The following FMO2 variants were observed in gnomAD, a reference collection of about 807,000 sequenced individuals.
FMO2 encodes flavin containing dimethylaniline monoxygenase 2.
In FMO2, 33 loss-of-function variants were observed where a neutral mutation model predicts 41.6. The ratio of observed to expected loss-of-function variants is 0.79; its 90% CI spans 0.60 to 1.06. FMO2 has a LOEUF of 1.06. Among genes scored for constraint, FMO2 ranks in the 50% least tolerant of loss-of-function variants. FMO2 has a pLI of 0.00. For synonymous variants in FMO2, 214 were observed against 219.6 expected, an observed-to-expected ratio of 0.97 and a Z score of 0.23; for missense variants, 619 against 632.9, an observed-to-expected ratio of 0.98 and a Z score of 0.23.
Position 171,210,827 on chromosome 1 carries a change from ATGGAATGT to A in FMO2, c.*1683_*1690del. Reference sequence around the variant, plus strand: ...ACTTCTCCCTCAGGGACGTAGAACAATGGAATGTCAGTCAGTCTCTGTAGTTAAAACTT... The same window carrying A: ...ACTTCTCCCTCAGGGACGTAGAACAACAGTCAGTCTCTGTAGTTAAAACTT... On this transcript the variant is annotated 3_prime_UTR_variant, in exon 9 of 9. Coordinates refer to ENST00000209929, the MANE Select transcript of FMO2 (RefSeq NM_001460.5). The A allele has an allele frequency of 3.6e-5, 2 of 55,302 alleles. No individual in the cohort carries two copies. Among genetic ancestry groups the A allele is most frequent in the Non-Finnish European group, 6.6e-5 (2 of 30,096 alleles). 3.4% of individuals were successfully genotyped at this position (55,302 alleles called of 1,614,324 possible).
chr1:171,210,456 T>G lies in FMO2; in HGVS notation c.*1311T>G, dbSNP rs1028788469. Reference sequence around the variant, plus strand: ...TACTGGTCTGTTAGCAGAGACAAACTTTTTTTAGAATTGAAGTCTGAAACA... The same window carrying G: ...TACTGGTCTGTTAGCAGAGACAAACGTTTTTTAGAATTGAAGTCTGAAACA... On this transcript the variant is annotated 3_prime_UTR_variant, in exon 9 of 9. Transcript: ENST00000209929. 1.3e-5 allele frequency: 2 copies of G among 152,198 alleles called. No individual in the cohort carries two copies. Among genetic ancestry groups the G allele is most frequent in the Admixed American group, 1.3e-4 (2 of 15,274 alleles). 9.4% of individuals were successfully genotyped at this position (152,198 alleles called of 1,614,324 possible).
At chr1:171,207,366 A>C (rs957673535) in intron 7 of FMO2, among the ~76,000 whole-genome samples, 5 of 152,098 alleles carry the variant, frequency 3.3e-5, no homozygotes, top group African/African-American at 9.7e-5. Flanking sequence ...AATAAATCTG[A>C]TCTTCTCACT....
chr1:171,189,373 T>C (rs1207439212), intron 2 of FMO2, among the ~76,000 whole-genome samples: 1 of 151,920 alleles, frequency 6.6e-6, no homozygotes, highest in Non-Finnish European at 1.5e-5. Context: ...CTTTCTCTCT[T>C]AAATTTGGCT....
intron 3 of FMO2, among the ~76,000 whole-genome samples, chr1:171,193,926 C>T: frequency 6.6e-6 from 1 of 152,010 alleles, no homozygotes; most frequent in Non-Finnish European, 1.5e-5. Context: ...ATTACAGGCA[C>T]ACATCACCAT....
At chr1:171,197,672 T>C (rs1409491830) in intron 4 of FMO2, among the ~76,000 whole-genome samples, 1 of 152,196 alleles carries the variant, frequency 6.6e-6, no homozygotes, top group Non-Finnish European at 1.5e-5. Flanking sequence ...TAAGAGGTGA[T>C]TGAGTAGTAA....
At chr1:171,196,114 G>A (rs1442217346) in intron 3 of FMO2, among the ~76,000 whole-genome samples, 1 of 152,190 alleles carries the variant, frequency 6.6e-6, no homozygotes, top group Non-Finnish European at 1.5e-5. Flanking sequence ...TATATATTTG[G>A]TGATAGAGCA....
chr1:171,203,756 G>A, intron 5 of FMO2, 109 bp from the exon 6 acceptor site: 1 of 932,486 alleles, frequency 1.1e-6, no homozygotes, highest in East Asian at 2.6e-5. Context: ...CTTTAAAACA[G>A]AACCTCTGTA....
intron 2 of FMO2, among the ~76,000 whole-genome samples, chr1:171,188,729 CCTA>C (rs1483723907): frequency 6.6e-6 from 1 of 152,102 alleles, no homozygotes; most frequent in Non-Finnish European, 1.5e-5. Context: ...TTACACAACT[CCTA>C]CTGGGATTAC....
rs1211607703 is a variant in FMO2, at chr1:171,207,769, G to T, written c.1235G>T (p.Arg412Met). The part of the protein sequence containing the change: ...ERTMMMDIIK[R>M]NEKRIDLFGE... ...ACTATGATGATGGACATTATCAAAA[G>T]GAATGAAAAAAGAATTGACCTGTAA... is the stretch of plus-strand genomic sequence containing the variant. The change falls in exon 8 of 9, where the codon AGG becomes ATG. Residue 412 changes from arginine to methionine, a missense_variant. Coordinates refer to ENST00000209929, the MANE Select transcript of FMO2 (RefSeq NM_001460.5). 1.9e-6 allele frequency: 3 copies of T among 1,605,866 alleles called. No homozygotes were observed. The highest frequency in any genetic ancestry group is 2.7e-5 in the African/African-American group (2 of 74,378).
chr1:171,195,979 A>G (rs1453408357), intron 3 of FMO2, among the ~76,000 whole-genome samples: 1 of 152,260 alleles, frequency 6.6e-6, no homozygotes, highest in Non-Finnish European at 1.5e-5. Context: ...TACAAAGTCC[A>G]CAAAGAGGCG....
At chr1:171,207,930 T>C (rs1297255331) in intron 8 of FMO2, 140 bp downstream of exon 8, 18 of 619,280 alleles carry the variant, frequency 2.9e-5, no homozygotes, top group African/African-American at 5.7e-5. Flanking sequence ...AGAAACTCCG[T>C]GTGTGAGGCT....
At chr1:171,203,038 G>A (rs775245010) in intron 5 of FMO2, among the ~76,000 whole-genome samples, 1 of 152,080 alleles carries the variant, frequency 6.6e-6, no homozygotes, top group Non-Finnish European at 1.5e-5. Flanking sequence ...TATAAGTTCA[G>A]AGTTTTTAAC....
intron 7 of FMO2, among the ~76,000 whole-genome samples, chr1:171,207,117 G>A (rs1286983180): frequency 2.0e-5 from 3 of 152,186 alleles, no homozygotes. Flanking sequence ...ATGACTCTAG[G>A]CAAGGGGACT....
chr1:171,203,794 G>T, intron 5 of FMO2, 71 bp from the exon 6 acceptor site: 1 of 1,312,664 alleles, frequency 7.6e-7, no homozygotes, highest in South Asian at 1.2e-5. Context: ...TGTGATACAT[G>T]ACCTTCATAG....
rs1337008307 is a variant in FMO2, at chr1:171,211,241, C to T, written c.*2096C>T. ...AATTTTATAATAGTACACAGCCACA[C>T]TCATTCATTTATTTTCTGTGGTTGC... On this transcript the variant is annotated 3_prime_UTR_variant, in exon 9 of 9. Transcript: ENST00000209929. 6.6e-6 allele frequency: 1 copy of T among 152,166 alleles called. No homozygotes were observed. Among genetic ancestry groups the T allele is most frequent in the African/African-American group, 2.4e-5 (1 of 41,442 alleles). 9.4% of individuals were successfully genotyped at this position (152,166 alleles called of 1,614,324 possible). A position where few individuals can be genotyped will look rare whatever the true frequency, so the allele number is the denominator to read the frequency against.
In FMO2 at chr1:171,209,054, A is replaced by G; in HGVS notation, c.1517A>G (p.Asp506Gly). 1.7e-6 allele frequency: 2 copies of G among 1,151,540 alleles called. No individual in the cohort carries two copies. The highest frequency in any genetic ancestry group is 2.5e-6 in the Non-Finnish European group (2 of 807,840). 71.3% of individuals were successfully genotyped at this position (1,151,540 alleles called of 1,614,324 possible). The change falls in exon 9 of 9, where the codon GAT (aspartate) becomes GGT (glycine). Residue 506 changes from aspartate to glycine, a missense_variant. Asp to Gly is a moderately conservative substitution (Grantham distance 94). Coordinates refer to ENST00000209929, the MANE Select transcript of FMO2 (RefSeq NM_001460.5). ...LKPLKTRALKDSSNFSVSFLL... is the reference protein window; with the variant it reads ...LKPLKTRALKGSSNFSVSFLL... ...CCACTCAAGACTCGGGCCCTGAAGG[A>G]TTCATCTAATTTCTCAGTTTCTTTT...
At chr1:171,203,268 T>C (rs960058702) in intron 5 of FMO2, among the ~76,000 whole-genome samples, 5 of 151,056 alleles carry the variant, frequency 3.3e-5, no homozygotes, top group African/African-American at 1.2e-4. Context: ...GAGACTGCAA[T>C]GAGCTATGAC....
intron 2 of FMO2, among the ~76,000 whole-genome samples, chr1:171,190,643 A>T (rs1658039280): frequency 6.6e-6 from 1 of 152,190 alleles, no homozygotes; most frequent in African/African-American, 2.4e-5. Flanking sequence ...ATCCAAGCTC[A>T]GGCCCTGGTC....
chr1:171,202,447 G>T (rs1343265237), intron 5 of FMO2, among the ~76,000 whole-genome samples: 2 of 152,098 alleles, frequency 1.3e-5, no homozygotes, highest in African/African-American at 4.8e-5. Flanking sequence ...CACAAAATTT[G>T]TCTCCAAATT....
Sources: allele counts gnomAD v4.1 joint callset (sites outside exome capture counted in the v4.1 genomes callset), GRCh38; gene constraint gnomAD v4.1.1; transcripts MANE v1.5; gene names NCBI Gene and HGNC (gene_info 2026-07-23, HGNC 2026-07-21).